Variants in KCNA2 observed in about 807,000 individuals in gnomAD.
The protein encoded by KCNA2 is potassium voltage-gated channel subfamily A member 2, also known as potassium channel, voltage gated shaker related subfamily A, member 2.
In KCNA2, 11 loss-of-function variants were observed where a neutral mutation model predicts 33.4. That is an observed-to-expected ratio of 0.33 (90% CI 0.21 to 0.55). The LOEUF is 0.55. Among genes scored for constraint, KCNA2 ranks in the 20% least tolerant of loss-of-function variants. The probability of loss-of-function intolerance (pLI) is 0.93; values close to 1 mark genes in which losing one functional copy is unlikely to be tolerated. For missense variants in KCNA2, 291 were observed against 621.6 expected, an observed-to-expected ratio of 0.47 and a Z score of 5.66; for synonymous variants, 222 against 231.3, an observed-to-expected ratio of 0.96 and a Z score of 0.37.
Position 110,598,082 on chromosome 1 carries a change from G to T in KCNA2, c.*5201C>A. 1.0e-6 allele frequency: 1 copy of T among 985,044 alleles called. No homozygotes were observed. Among genetic ancestry groups the T allele is most frequent in the East Asian group, 1.1e-4 (1 of 8,802 alleles). 61.0% of individuals were successfully genotyped at this position (985,044 alleles called of 1,614,324 possible). The stretch of plus-strand genomic sequence containing the variant: ...TCCCCCTCTCTGCGCGTTGGCTCAG[G>T]TGACTGATGATGTTAATGAGGTTAA... On this transcript the variant is annotated 3_prime_UTR_variant, in exon 3 of 3. Transcript: ENST00000316361.
rs1649348733 is a variant in KCNA2, at chr1:110,601,652, TGAGGCAATG to T, written c.*1622_*1630del. 1.4e-4 allele frequency: 142 copies of T among 1,041,772 alleles called. No individual in the cohort carries two copies. Among genetic ancestry groups the T allele is most frequent in the Non-Finnish European group, 1.6e-4 (139 of 867,604 alleles). 64.5% of individuals were successfully genotyped at this position (1,041,772 alleles called of 1,614,324 possible). On this transcript the variant is annotated 3_prime_UTR_variant, in exon 3 of 3. Coordinates refer to ENST00000316361, the MANE Select transcript of KCNA2 (RefSeq NM_004974.4). Reference sequence around the variant, plus strand: ...AGGAATCCATGGATACCGGAGTGTCTGAGGCAATGGCAGCAAACCCAGGCCCAGTGGGGT... The same window carrying T: ...AGGAATCCATGGATACCGGAGTGTCTGCAGCAAACCCAGGCCCAGTGGGGT...
rs1272573341 is a variant in KCNA2 at position 110,596,004 on chromosome 1, G to T, written c.*7279C>A. 2.0e-6 allele frequency: 2 copies of T among 985,254 alleles called. No homozygotes were observed. The highest frequency in any genetic ancestry group is 1.2e-4 in the Admixed American group (2 of 16,266). The allele number at this position is 985,254 out of a possible 1,614,324, so 61.0% of individuals were successfully genotyped here. On this transcript the variant is annotated 3_prime_UTR_variant, in exon 3 of 3. Transcript: ENST00000316361. ...CAGTGATGAGGTTATAGCCAACCAG[G>T]GCAGACAGAAGAAAGGCTAAAGCAC...
rs1258860961 is a variant in KCNA2, at chr1:110,595,667, T to G, written c.*7616A>C. 1.0e-6 allele frequency: 1 copy of G among 985,250 alleles called. No homozygotes were observed. The highest frequency in any genetic ancestry group is 1.2e-6 in the Non-Finnish European group (1 of 829,932). The allele number at this position is 985,250 out of a possible 1,614,324, so 61.0% of individuals were successfully genotyped here. A position where few individuals can be genotyped will look rare whatever the true frequency, so the allele number is the denominator to read the frequency against. On this transcript the variant is annotated 3_prime_UTR_variant, in exon 3 of 3. Transcript: ENST00000316361. ...AGCTTGCATCCAGCTGTTTCTTGAGTGATGTGTACAGCTTACCCCCAAAGA... is the reference window on the plus strand; with the variant it reads ...AGCTTGCATCCAGCTGTTTCTTGAGGGATGTGTACAGCTTACCCCCAAAGA...
chr1:110,594,238 G>C lies in KCNA2; in HGVS notation c.*9045C>G. 3.7e-6 allele frequency: 4 copies of C among 1,075,538 alleles called. No individual in the cohort carries two copies. The highest frequency in any genetic ancestry group is 4.5e-6 in the Non-Finnish European group (4 of 888,136). The allele number at this position is 1,075,538 out of a possible 1,614,324, so 66.6% of individuals were successfully genotyped here. On this transcript the variant is annotated 3_prime_UTR_variant, in exon 3 of 3. Coordinates refer to ENST00000316361, the MANE Select transcript of KCNA2 (RefSeq NM_004974.4). Reference sequence around the variant, plus strand: ...GAAGCCAGTGCAAACCCTAACTGGAGTCTGTGCTGCATGAGCCTAAGTGAG... The same window carrying C: ...GAAGCCAGTGCAAACCCTAACTGGACTCTGTGCTGCATGAGCCTAAGTGAG...
Position 110,598,574 on chromosome 1 carries a change from G to A in KCNA2, c.*4709C>T, listed in dbSNP as rs576401874. 17 of 985,384 alleles carry A rather than the reference G, an allele frequency of 1.7e-5. No homozygotes were observed. In the African/African-American group the frequency reaches 2.3e-4, roughly 13 times the overall value. 61.0% of individuals were successfully genotyped at this position (985,384 alleles called of 1,614,324 possible). A position where few individuals can be genotyped will look rare whatever the true frequency, so the allele number is the denominator to read the frequency against. On this transcript the variant is annotated 3_prime_UTR_variant, in exon 3 of 3. Coordinates refer to ENST00000316361, the MANE Select transcript of KCNA2 (RefSeq NM_004974.4). Reference sequence around the variant, plus strand: ...AGCTAGTCCTGGGCCCTCCCAACACGGAGCAGCAACATGAACACCCAGGCT... The same window carrying A: ...AGCTAGTCCTGGGCCCTCCCAACACAGAGCAGCAACATGAACACCCAGGCT...
rs555322762 is a variant in KCNA2, at chr1:110,598,163, T to C, written c.*5120A>G. On this transcript the variant is annotated 3_prime_UTR_variant, in exon 3 of 3. Coordinates refer to ENST00000316361, the MANE Select transcript of KCNA2 (RefSeq NM_004974.4). ...CTTGCCAAGGCTAGGGGAACCTCCATTGTGCAACCAAGGAGCACCATGGAT... is the reference window on the plus strand; with the variant it reads ...CTTGCCAAGGCTAGGGGAACCTCCACTGTGCAACCAAGGAGCACCATGGAT... 6.5e-5 allele frequency: 48 copies of C among 738,956 alleles called. No homozygotes were observed. The African/African-American group carries it at 7.8e-4, about 12-fold the overall frequency. The allele number at this position is 738,956 out of a possible 1,614,324, so 45.8% of individuals were successfully genotyped here.
Position 110,596,626 on chromosome 1 carries a change from G to T in KCNA2, c.*6657C>A. 5.4e-6 allele frequency: 3 copies of T among 557,202 alleles called. No homozygotes were observed. Among genetic ancestry groups the T allele is most frequent in the Non-Finnish European group, 4.6e-6 (2 of 438,926 alleles). 34.5% of individuals were successfully genotyped at this position (557,202 alleles called of 1,614,324 possible). ...GTTTACAATGTTGACCCTGAGCAAG[G>T]CAAGGTCCCTGTTATCTTCAAACAC... On this transcript the variant is annotated 3_prime_UTR_variant, in exon 3 of 3. Coordinates refer to ENST00000316361, the MANE Select transcript of KCNA2 (RefSeq NM_004974.4).
Position 110,603,191 on chromosome 1 carries a change from T to C in KCNA2, c.*92A>G, listed in dbSNP as rs182308052. ...CTATTGCTTTCCATGCAGAACCAGA[T>C]ACACACTGTAGAACACACTGACTAC... On this transcript the variant is annotated 3_prime_UTR_variant, in exon 3 of 3. Transcript: ENST00000316361. This position sits in a 1 kb window ranked among gnomAD's most constrained non-coding sequence, Gnocchi z 5.7. 59 of 1,513,730 alleles carry C rather than the reference T, an allele frequency of 3.9e-5. No individual in the cohort carries two copies. The East Asian group carries it at 1.1e-3, about 27-fold the overall frequency. The allele number at this position is 1,513,730 out of a possible 1,614,324, so 93.8% of individuals were successfully genotyped here.
intron 1 of KCNA2, among the ~76,000 whole-genome samples, chr1:110,620,318 C>A (rs1650221514): frequency 6.6e-6 from 1 of 152,134 alleles, no homozygotes; most frequent in African/African-American, 2.4e-5. Context: ...CCGGCAAACA[C>A]GGGTTCCAGG....
At chr1:110,607,058 A>T (rs970257377), upstream of KCNA2, among the ~76,000 whole-genome samples, 109 of 151,648 alleles carry the variant, frequency 7.2e-4, no homozygotes, top group African/African-American at 2.6e-3. Flanking sequence ...AGCAGGGTGC[A>T]AGTTCCCCTT....
chr1:110,600,686 G>A lies in KCNA2; in HGVS notation c.*2597C>T. On this transcript the variant is annotated 3_prime_UTR_variant, in exon 3 of 3. Coordinates refer to ENST00000316361, the MANE Select transcript of KCNA2 (RefSeq NM_004974.4). Reference sequence around the variant, plus strand: ...ATCCCTGACCTAGGCCTCAGATATGGGTTGCTTTACCTTCTATTTTCCAAA... The same window carrying A: ...ATCCCTGACCTAGGCCTCAGATATGAGTTGCTTTACCTTCTATTTTCCAAA... 1.0e-6 allele frequency: 1 copy of A among 985,324 alleles called. No homozygotes were observed. Among genetic ancestry groups the A allele is most frequent in the Non-Finnish European group, 1.2e-6 (1 of 829,934 alleles). 61.0% of individuals were successfully genotyped at this position (985,324 alleles called of 1,614,324 possible).
Position 110,603,115 on chromosome 1 carries a change from A to G in KCNA2, c.*168T>C. The stretch of plus-strand genomic sequence containing the variant: ...AGGATGTGCATGAAAGCCATGATAG[A>G]TATTCTGTGTTCTAAATCAAAAGTC... On this transcript the variant is annotated 3_prime_UTR_variant, in exon 3 of 3. Transcript: ENST00000316361. This position sits in a 1 kb window ranked among gnomAD's most constrained non-coding sequence, Gnocchi z 5.7. 1 of 1,429,760 alleles carries G rather than the reference A, an allele frequency of 7.0e-7. No homozygotes were observed. Among genetic ancestry groups the G allele is most frequent in the Non-Finnish European group, 9.1e-7 (1 of 1,097,364 alleles). 88.6% of individuals were successfully genotyped at this position (1,429,760 alleles called of 1,614,324 possible).
At position 110,600,613 on chromosome 1, in the gene KCNA2, T is replaced by C; in HGVS notation, c.*2670A>G. 1 of 985,392 alleles carries C rather than the reference T, an allele frequency of 1.0e-6. No homozygotes were observed. The highest frequency in any genetic ancestry group is 1.2e-6 in the Non-Finnish European group (1 of 829,904). The allele number at this position is 985,392 out of a possible 1,614,324, so 61.0% of individuals were successfully genotyped here. ...TTTGTGGTGAATGTGCATGACTGTA[T>C]GTGAACATTTTAGAGTCCTGGGCCA... is the stretch of plus-strand genomic sequence containing the variant. On this transcript the variant is annotated 3_prime_UTR_variant, in exon 3 of 3. Transcript: ENST00000316361.
At chr1:110,629,546 GCA>G (rs1260256429) in intron 1 of KCNA2, among the ~76,000 whole-genome samples, 1 of 152,180 alleles carries the variant, frequency 6.6e-6, no homozygotes, top group African/African-American at 2.4e-5. Context: ...CTCTTCCTCA[GCA>G]CAGTTACTCT....
chr1:110,622,946 G>T (rs1325271405), intron 1 of KCNA2, among the ~76,000 whole-genome samples: 1 of 152,034 alleles, frequency 6.6e-6, no homozygotes, highest in Non-Finnish European at 1.5e-5. Context: ...TAAAAATCTT[G>T]GCAGAATTTT....
Position 110,602,387 on chromosome 1 carries a change from T to C in KCNA2, c.*896A>G, listed in dbSNP as rs1570751562. 1 of 1,396,900 alleles carries C rather than the reference T, an allele frequency of 7.2e-7. No homozygotes were observed. The highest frequency in any genetic ancestry group is 9.3e-7 in the Non-Finnish European group (1 of 1,079,738). The allele number at this position is 1,396,900 out of a possible 1,614,324, so 86.5% of individuals were successfully genotyped here. On this transcript the variant is annotated 3_prime_UTR_variant, in exon 3 of 3. Transcript: ENST00000316361. ...ATCTCCTGTGTTTTAAATATTGAGATTCATGCAACAAACACCCATGCAGCT... is the reference window on the plus strand; with the variant it reads ...ATCTCCTGTGTTTTAAATATTGAGACTCATGCAACAAACACCCATGCAGCT...
rs1649230541 is a variant in KCNA2, at chr1:110,599,160, GA to G, written c.*4122del. The G allele has an allele frequency of 1.0e-6, 1 of 985,342 alleles. No individual in the cohort carries two copies. Among genetic ancestry groups the G allele is most frequent in the Admixed American group, 6.1e-5 (1 of 16,264 alleles). 61.0% of individuals were successfully genotyped at this position (985,342 alleles called of 1,614,324 possible). A position where few individuals can be genotyped will look rare whatever the true frequency, so the allele number is the denominator to read the frequency against. Reference sequence around the variant, plus strand: ...GGATGGCTGCAGGAGCAGAAATCAGGAGTGAGGCCTGATCCAAAGCCTGACT... The same window carrying G: ...GGATGGCTGCAGGAGCAGAAATCAGGGTGAGGCCTGATCCAAAGCCTGACT... On this transcript the variant is annotated 3_prime_UTR_variant, in exon 3 of 3. Coordinates refer to ENST00000316361, the MANE Select transcript of KCNA2 (RefSeq NM_004974.4).
At position 110,600,277 on chromosome 1, in the gene KCNA2, A is replaced by G. The variant is rs1199948851; in HGVS notation, c.*3006T>C. 1.0e-6 allele frequency: 1 copy of G among 982,762 alleles called. No homozygotes were observed. Among genetic ancestry groups the G allele is most frequent in the Non-Finnish European group, 1.2e-6 (1 of 829,542 alleles). The allele number at this position is 982,762 out of a possible 1,614,324, so 60.9% of individuals were successfully genotyped here. On this transcript the variant is annotated 3_prime_UTR_variant, in exon 3 of 3. Coordinates refer to ENST00000316361, the MANE Select transcript of KCNA2 (RefSeq NM_004974.4). ...TATTATAAGTTAATGCATCGTGTGT[A>G]TATACTGAGTTTGTGTGTATTTTAT... is the stretch of plus-strand genomic sequence containing the variant.
rs891502411 is a variant in KCNA2 at position 110,601,644 on chromosome 1, G to A, written c.*1639C>T. 5.8e-6 allele frequency: 6 copies of A among 1,029,670 alleles called. No individual in the cohort carries two copies. Among genetic ancestry groups the A allele is most frequent in the South Asian group, 4.6e-5 (1 of 21,714 alleles). 63.8% of individuals were successfully genotyped at this position (1,029,670 alleles called of 1,614,324 possible). A position where few individuals can be genotyped will look rare whatever the true frequency, so the allele number is the denominator to read the frequency against. The stretch of plus-strand genomic sequence containing the variant: ...TAACGTCTAGGAATCCATGGATACC[G>A]GAGTGTCTGAGGCAATGGCAGCAAA... On this transcript the variant is annotated 3_prime_UTR_variant, in exon 3 of 3. Transcript: ENST00000316361.
Sources: allele counts gnomAD v4.1 joint callset (sites outside exome capture counted in the v4.1 genomes callset), GRCh38; gene constraint gnomAD v4.1.1; non-coding constraint Gnocchi (gnomAD v3.1); transcripts MANE v1.5; gene names NCBI Gene and HGNC (gene_info 2026-07-23, HGNC 2026-07-21).